Variants in CNTN5 observed in about 807,000 individuals in gnomAD.
The protein encoded by CNTN5 is contactin-5.
In CNTN5, 77 loss-of-function variants were observed where a neutral mutation model predicts 129.1. The observed-to-expected ratio is 0.60, with a 90% confidence interval of 0.50 to 0.72. The LOEUF is 0.72. Ranked by LOEUF, CNTN5 falls within the 30% of genes least tolerant of loss-of-function variation. CNTN5 has a pLI of 0.00. For synonymous variants in CNTN5, 509 were observed against 465.6 expected, an observed-to-expected ratio of 1.09 and a Z score of -1.20; for missense variants, 1,478 against 1,328.8, an observed-to-expected ratio of 1.11 and a Z score of -1.75.
intron 3 of CNTN5, among the ~76,000 whole-genome samples, chr11:99,740,490 G>A (rs964182293): frequency 8.5e-5 from 13 of 152,168 alleles, no homozygotes; most frequent in African/African-American, 2.2e-4. Flanking sequence ...GGAATTATCC[G>A]TTTTTGAAGT....
At position 99,964,248 on chromosome 11, in the gene CNTN5, A is replaced by T. The variant is rs184710556; in HGVS notation, c.877+7239A>T. On this transcript the variant is annotated intron_variant, in intron 8 of 24. Coordinates refer to ENST00000524871, the MANE Select transcript of CNTN5 (RefSeq NM_014361.4). ...ATCCCTGTCTTGTGCCCGTTTTCAA[A>T]GGGAATGCTTCCAGTTTTTGCCCAT... Among the ~76,000 whole-genome samples the T allele has an allele frequency of 4.7e-3, 717 of 152,150 alleles. 7 individuals carry two copies. The highest frequency in any genetic ancestry group is 0.016 in the African/African-American group (684 of 41,482).
intron 6 of CNTN5, among the ~76,000 whole-genome samples, chr11:99,914,365 A>G (rs1051695687): frequency 2.0e-5 from 3 of 151,630 alleles, no homozygotes; most frequent in South Asian, 2.1e-4. Flanking sequence ...CATTTTTTGG[A>G]AAAAAAAGCC....
chr11:99,320,317 A>ATTGAG (rs1362964897), intron 1 of CNTN5, among the ~76,000 whole-genome samples: 1 of 152,172 alleles, frequency 6.6e-6, no homozygotes, highest in Admixed American at 6.5e-5. Context: ...ATTGACTGGG[A>ATTGAG]TTGAGAACAG....
At chr11:99,614,045 A>G (rs1202966039) in intron 3 of CNTN5, among the ~76,000 whole-genome samples, 2 of 152,234 alleles carry the variant, frequency 1.3e-5, no homozygotes, top group African/African-American at 4.8e-5. Flanking sequence ...CCAAAAGATT[A>G]GCAAAGTTTT....
chr11:99,835,135 G>A (rs571424137), intron 4 of CNTN5, among the ~76,000 whole-genome samples: 2 of 152,340 alleles, frequency 1.3e-5, no homozygotes, highest in East Asian at 3.9e-4. Context: ...GTACGTGGTT[G>A]CCCTGTGGCG....
At chr11:99,738,229 C>T (rs1943773696) in intron 3 of CNTN5, among the ~76,000 whole-genome samples, 2 of 152,036 alleles carry the variant, frequency 1.3e-5, no homozygotes, top group Admixed American at 6.6e-5. Flanking sequence ...TTAGGATGGG[C>T]CCTAATCCAG....
chr11:99,835,900 T>A (rs913581687), intron 4 of CNTN5, among the ~76,000 whole-genome samples: 3 of 152,072 alleles, frequency 2.0e-5, no homozygotes, highest in African/African-American at 7.2e-5. Context: ...GTAATATTGT[T>A]ATAGGAAAGA....
intron 1 of CNTN5, among the ~76,000 whole-genome samples, chr11:99,023,027 C>T (rs1007801963): frequency 1.4e-4 from 22 of 152,094 alleles, no homozygotes; most frequent in Non-Finnish European, 1.8e-4. Context: ...AGTTGTGAGG[C>T]ACATGCACAC....
intron 1 of CNTN5, among the ~76,000 whole-genome samples, chr11:99,324,472 T>C (rs775826251): frequency 8.5e-5 from 13 of 152,322 alleles, no homozygotes; most frequent in Admixed American, 3.3e-4. Context: ...GAAGATAGTG[T>C]AAAATTGCTG....
intron 3 of CNTN5, among the ~76,000 whole-genome samples, chr11:99,647,493 T>C (rs1007357983): frequency 1.3e-5 from 2 of 152,092 alleles, no homozygotes; most frequent in African/African-American, 4.8e-5. Context: ...TCTTGTTCTT[T>C]TTGCTCAGTA....
intron 13 of CNTN5, among the ~76,000 whole-genome samples, chr11:100,174,554 G>T (rs1947908026): frequency 6.6e-6 from 1 of 152,128 alleles, no homozygotes. Context: ...TGAGCAAAAA[G>T]ATTGAGTGTA....
intron 2 of CNTN5, among the ~76,000 whole-genome samples, chr11:99,391,287 T>C (rs1344740459): frequency 6.6e-6 from 1 of 152,174 alleles, no homozygotes; most frequent in Non-Finnish European, 1.5e-5. Flanking sequence ...GATTGTTCTT[T>C]TAATTATAAC....
chr11:99,121,411 G>T (rs1029895399), intron 1 of CNTN5, among the ~76,000 whole-genome samples: 2 of 152,118 alleles, frequency 1.3e-5, no homozygotes, highest in African/African-American at 4.8e-5. Flanking sequence ...GGGCTTACAG[G>T]CATGAGCCAC....
chr11:99,928,770 G>A (rs1950123415), intron 7 of CNTN5, among the ~76,000 whole-genome samples: 2 of 152,182 alleles, frequency 1.3e-5, no homozygotes, highest in Admixed American at 1.3e-4. Flanking sequence ...TGATTGTCTT[G>A]GTGATTAACA....
chr11:99,643,401 T>C (rs1951839732), intron 3 of CNTN5, among the ~76,000 whole-genome samples: 1 of 152,196 alleles, frequency 6.6e-6, no homozygotes, highest in South Asian at 2.1e-4. Flanking sequence ...ACATTATACA[T>C]TCTGTTTCGA....
intron 3 of CNTN5, among the ~76,000 whole-genome samples, chr11:99,638,441 C>T (rs79874710): frequency 0.01 from 1,536 of 152,268 alleles, 16 homozygotes; most frequent in South Asian, 0.02. Flanking sequence ...GCCTTCTCAA[C>T]AGTCCCCCAA....
chr11:100,356,050 A>C (rs1234793953), intron 24 of CNTN5, 67 bp from the exon 25 acceptor site: 4 of 1,066,538 alleles, frequency 3.8e-6, no homozygotes, highest in Non-Finnish European at 5.7e-6. Context: ...ACATACTAAA[A>C]ACAATTCTGT....
intron 13 of CNTN5, among the ~76,000 whole-genome samples, chr11:100,132,292 C>G (rs1946399920): frequency 6.6e-6 from 1 of 151,900 alleles, no homozygotes; most frequent in African/African-American, 2.4e-5. Context: ...AGTAGACACT[C>G]AATATAATGA....
At chr11:99,862,314 T>C (rs1385554300) in intron 6 of CNTN5, among the ~76,000 whole-genome samples, 2 of 152,034 alleles carry the variant, frequency 1.3e-5, no homozygotes, top group Non-Finnish European at 2.9e-5. Context: ...CCAGGGTCCA[T>C]TGAAACTCTT....
Sources: allele counts gnomAD v4.1 joint callset (sites outside exome capture counted in the v4.1 genomes callset), GRCh38; gene constraint gnomAD v4.1.1; transcripts MANE v1.5; gene names NCBI Gene and HGNC (gene_info 2026-07-23, HGNC 2026-07-21).